The following SMYD3 variants were observed in gnomAD, a reference collection of about 807,000 sequenced individuals.
SMYD3 encodes the protein histone-lysine N-methyltransferase SMYD3.
SMYD3 carries 36 observed loss-of-function variants against 57.7 expected under a neutral mutation model. The ratio of observed to expected loss-of-function variants is 0.62; its 90% CI spans 0.48 to 0.82. The LOEUF is 0.82. SMYD3 is among the 40% of genes least tolerant of loss of function. The probability of loss-of-function intolerance (pLI) is 0.00; values close to 1 mark genes in which losing one functional copy is unlikely to be tolerated. For synonymous variants in SMYD3, 211 were observed against 195.0 expected (o/e 1.08, Z -0.68); for missense variants, 515 against 538.8 (o/e 0.96, Z 0.44).
intron 10 of SMYD3, among the ~76,000 whole-genome samples, chr1:245,829,118 C>CCT (rs1553336260): frequency 5.0e-5 from 7 of 140,122 alleles, no homozygotes; most frequent in Non-Finnish European, 7.5e-5. Flanking sequence ...AAGACAATCA[C>CCT]TTTTTTTTTT....
intron 1 of SMYD3, among the ~76,000 whole-genome samples, chr1:246,423,571 C>T (rs1176151208): frequency 6.6e-6 from 1 of 151,990 alleles, no homozygotes. Flanking sequence ...TGTGGAGACG[C>T]ACACCTGCAG....
chr1:246,491,546 A>T (rs1266284464), intron 1 of SMYD3, among the ~76,000 whole-genome samples: 1 of 99,070 alleles, frequency 1.0e-5, no homozygotes, highest in Non-Finnish European at 2.5e-5. Flanking sequence ...GTCTCAAATA[A>T]AAAAAAAAAA....
At chr1:246,229,381 A>G (rs1203751412) in intron 5 of SMYD3, among the ~76,000 whole-genome samples, 2 of 152,216 alleles carry the variant, frequency 1.3e-5, no homozygotes, top group African/African-American at 4.8e-5. Context: ...AAGGTGTTAC[A>G]TTGTTTCAGT....
chr1:246,441,818 G>A (rs1558466732), intron 1 of SMYD3, among the ~76,000 whole-genome samples: 1 of 152,200 alleles, frequency 6.6e-6, no homozygotes, highest in Admixed American at 6.5e-5. Flanking sequence ...CACCATGCTG[G>A]CCAGGCTGGT....
intron 1 of SMYD3, among the ~76,000 whole-genome samples, chr1:246,415,745 T>C (rs1243929886): frequency 6.6e-6 from 1 of 152,170 alleles, no homozygotes; most frequent in Non-Finnish European, 1.5e-5. Flanking sequence ...TTCACTCTTT[T>C]GGTTCAGTTT....
At chr1:245,807,051 A>G (rs2048215788) in intron 10 of SMYD3, among the ~76,000 whole-genome samples, 1 of 151,570 alleles carries the variant, frequency 6.6e-6, no homozygotes, top group African/African-American at 2.4e-5. Flanking sequence ...ACCAGTCAAG[A>G]GTGGGGTGTG....
chr1:245,935,942 G>A (rs1161846067), intron 5 of SMYD3, among the ~76,000 whole-genome samples: 1 of 152,040 alleles, frequency 6.6e-6, no homozygotes, highest in East Asian at 1.9e-4. Flanking sequence ...TTCACAGGAG[G>A]AATAAGTTCT....
At chr1:246,166,108 A>AG (rs2062205721) in intron 5 of SMYD3, among the ~76,000 whole-genome samples, 1 of 152,048 alleles carries the variant, frequency 6.6e-6, no homozygotes, top group Non-Finnish European at 1.5e-5. Flanking sequence ...TTTAAAAAAA[A>AG]AAGAAGAAGA....
chr1:246,094,988 C>T (rs534181318), intron 5 of SMYD3, among the ~76,000 whole-genome samples: 1 of 152,264 alleles, frequency 6.6e-6, no homozygotes, highest in Admixed American at 6.5e-5. Flanking sequence ...AGACCCTCTG[C>T]CCCTCCCAGT....
chr1:245,894,451 T>C (rs2053615848), intron 8 of SMYD3, among the ~76,000 whole-genome samples: 2 of 151,994 alleles, frequency 1.3e-5, no homozygotes, highest in Admixed American at 6.5e-5. Flanking sequence ...GCTTTTGTTT[T>C]TTCACTCTTC....
At chr1:245,857,491 C>T (rs576478170) in intron 10 of SMYD3, among the ~76,000 whole-genome samples, 2 of 152,358 alleles carry the variant, frequency 1.3e-5, no homozygotes, top group Admixed American at 1.3e-4. Flanking sequence ...TCGCTTACAG[C>T]CATTCCCTGC....
rs562273144 is a variant in SMYD3 at position 246,436,211 on chromosome 1, A to G, written c.164+70843T>C. Among the ~76,000 whole-genome samples the G allele has an allele frequency of 7.2e-5, 11 of 152,040 alleles. No individual in the cohort carries two copies. In the East Asian group the frequency reaches 2.1e-3, roughly 29 times the overall value. On this transcript the variant is annotated intron_variant, in intron 1 of 11. Transcript: ENST00000490107. ...ATTTGAAAAAAAAAAAAACTATACA[A>G]CAATAGAAGAAAGTTGAAAAAGAAC...
At position 246,167,502 on chromosome 1, in the gene SMYD3, GTTTTTTTTTCT is replaced by G. The variant is rs1161995911; in HGVS notation, c.531+159688_531+159698del. 1.6e-3 allele frequency among the ~76,000 whole-genome samples: 230 copies of G among 147,036 alleles called. 1 individual carries two copies. Among genetic ancestry groups the G allele is most frequent in the African/African-American group, 5.3e-3 (212 of 40,052 alleles). Reference sequence around the variant, plus strand: ...AAATGTGAAGTGGCACCTCATTACGGTTTTTTTTTCTTTTTTTTTTTTTTTGAAGACGGAGT... The same window carrying G: ...AAATGTGAAGTGGCACCTCATTACGGTTTTTTTTTTTTTTGAAGACGGAGT... On this transcript the variant is annotated intron_variant, in intron 5 of 11. Coordinates refer to ENST00000490107, the MANE Select transcript of SMYD3 (RefSeq NM_001167740.2).
intron 5 of SMYD3, among the ~76,000 whole-genome samples, chr1:245,934,551 C>T (rs2056898060): frequency 6.6e-6 from 1 of 152,142 alleles, no homozygotes; most frequent in Non-Finnish European, 1.5e-5. Flanking sequence ...TCAGTCCTTG[C>T]CTGTCCCATT....
chr1:246,456,949 C>G (rs1014592301), intron 1 of SMYD3, among the ~76,000 whole-genome samples: 4 of 152,188 alleles, frequency 2.6e-5, no homozygotes, highest in Non-Finnish European at 4.4e-5. Context: ...CCAAATCTGG[C>G]TCTAGGTTAA....
At chr1:246,459,629 A>C (rs2067765427) in intron 1 of SMYD3, among the ~76,000 whole-genome samples, 1 of 152,214 alleles carries the variant, frequency 6.6e-6, no homozygotes, top group African/African-American at 2.4e-5. Flanking sequence ...CGGAACTGTG[A>C]GTCAATTAAA....
intron 10 of SMYD3, among the ~76,000 whole-genome samples, chr1:245,857,068 A>G (rs11578670): frequency 0.56 from 84,523 of 152,118 alleles, 26,675 homozygotes; most frequent in Non-Finnish European, 0.73. Flanking sequence ...TTCACTGCTC[A>G]TGGGAAAGTC....
At chr1:245,951,462 G>A (rs917645446) in intron 5 of SMYD3, among the ~76,000 whole-genome samples, 3 of 137,714 alleles carry the variant, frequency 2.2e-5, no homozygotes, top group Non-Finnish European at 4.5e-5. Context: ...CCAGCTACTC[G>A]GGAGGCTGAG....
chr1:246,001,173 G>T (rs1041744241), intron 5 of SMYD3, among the ~76,000 whole-genome samples: 1 of 152,132 alleles, frequency 6.6e-6, no homozygotes, highest in African/African-American at 2.4e-5. Flanking sequence ...AGCTCCAAAC[G>T]CTGCCTTCCC....
Sources: allele counts gnomAD v4.1 joint callset (sites outside exome capture counted in the v4.1 genomes callset), GRCh38; gene constraint gnomAD v4.1.1; transcripts MANE v1.5; gene names NCBI Gene and HGNC (gene_info 2026-07-23, HGNC 2026-07-21).